The following BCAS3 variants were observed in gnomAD, a reference collection of about 807,000 sequenced individuals.
The protein encoded by BCAS3 is BCAS4/BCAS3 fusion.
A neutral mutation model predicts 116.1 loss-of-function variants in BCAS3; 53 were observed. The observed-to-expected ratio is 0.46, with a 90% CI of 0.37 to 0.57. BCAS3 has a LOEUF of 0.57. BCAS3 is among the 20% of genes least tolerant of loss of function. The pLI is 0.00. For missense variants in BCAS3, 917 were observed against 1,165.4 expected (o/e 0.79, Z 3.10); for synonymous variants, 391 against 408.2 (o/e 0.96, Z 0.51).
intron 22 of BCAS3, among the ~76,000 whole-genome samples, chr17:61,110,653 G>A (rs1229501942): frequency 6.6e-6 from 1 of 152,066 alleles, no homozygotes. Context: ...CAAGGCGGCA[G>A]CGAGGCTGGG....
chr17:61,168,742 T>C (rs1229683508), intron 22 of BCAS3, among the ~76,000 whole-genome samples: 2 of 152,240 alleles, frequency 1.3e-5, no homozygotes, highest in Non-Finnish European at 2.9e-5. Context: ...TCTCAGTTCA[T>C]TAACTTCTTC....
At chr17:60,817,853 T>C (rs1265153689) in intron 7 of BCAS3, among the ~76,000 whole-genome samples, 2 of 144,830 alleles carry the variant, frequency 1.4e-5, no homozygotes, top group Non-Finnish European at 3.0e-5. Flanking sequence ...AAAAGCAAAA[T>C]AATTTTTTTT....
chr17:60,696,570 A>C (rs1163479623), intron 4 of BCAS3: 1 of 152,254 alleles, frequency 6.6e-6, no homozygotes, highest in Non-Finnish European at 1.5e-5. Flanking sequence ...CAGCCACTGC[A>C]GTCCAGCCTG....
chr17:60,786,665 G>A (rs1427690503), intron 6 of BCAS3, among the ~76,000 whole-genome samples: 1 of 151,812 alleles, frequency 6.6e-6, no homozygotes, highest in Non-Finnish European at 1.5e-5. Flanking sequence ...ACTCATGAAC[G>A]TTAATTGACT....
intron 7 of BCAS3, among the ~76,000 whole-genome samples, chr17:60,867,969 T>C (rs2144884504): frequency 6.6e-6 from 1 of 152,218 alleles, no homozygotes; most frequent in Admixed American, 6.5e-5. Flanking sequence ...GCTTTGAAGT[T>C]TATTAGATTC....
intron 5 of BCAS3, among the ~76,000 whole-genome samples, chr17:60,722,545 G>A (rs1020252019): frequency 3.3e-5 from 5 of 151,542 alleles, no homozygotes; most frequent in Non-Finnish European, 7.4e-5. Context: ...GGTAGATCAC[G>A]ACGTCAAGAG....
chr17:61,274,712 C>A (rs2144645166), intron 22 of BCAS3, among the ~76,000 whole-genome samples: 1 of 152,282 alleles, frequency 6.6e-6, no homozygotes, highest in Non-Finnish European at 1.5e-5. Flanking sequence ...TCCACTCTCA[C>A]CACTGCTATT....
intron 6 of BCAS3, among the ~76,000 whole-genome samples, chr17:60,789,218 A>G (rs1394825805): frequency 6.6e-6 from 1 of 152,124 alleles, no homozygotes; most frequent in Non-Finnish European, 1.5e-5. Context: ...TATCAGTTGG[A>G]TTTTTATTTG....
intron 9 of BCAS3, chr17:60,886,623 G>A (rs1443794682): frequency 6.6e-6 from 1 of 150,936 alleles, no homozygotes; most frequent in Non-Finnish European, 1.5e-5. Flanking sequence ...ATGGGTTTTC[G>A]GTGTGGATGT....
At chr17:60,874,903 A>G (rs2055449066) in intron 9 of BCAS3, among the ~76,000 whole-genome samples, 165 bp downstream of exon 9, 1 of 152,056 alleles carries the variant, frequency 6.6e-6, no homozygotes, top group South Asian at 2.1e-4. Flanking sequence ...TTCTTGTATG[A>G]TATATATTTT....
chr17:60,684,142 G>C (rs1160907883), intron 3 of BCAS3, 106 bp downstream of exon 3: 1 of 1,049,202 alleles, frequency 9.5e-7, no homozygotes, highest in Admixed American at 1.9e-5. Context: ...AAAGGTTTTT[G>C]ATGTTTTAGC....
intron 22 of BCAS3, among the ~76,000 whole-genome samples, chr17:61,320,011 T>TCCC (rs940050777): frequency 6.6e-6 from 1 of 151,860 alleles, no homozygotes; most frequent in Non-Finnish European, 1.5e-5. Context: ...TACCTCAGCC[T>TCCC]CCCGAGCAGC....
In BCAS3 at chr17:61,368,569, G is replaced by C; in HGVS notation, c.2593+75G>C. On this transcript the variant is annotated intron_variant, in intron 23 of 23. Transcript: ENST00000407086. This position sits in a 1 kb window ranked among gnomAD's most constrained non-coding sequence, Gnocchi z 6.0. The stretch of plus-strand genomic sequence containing the variant: ...GTTGGTGCAGAGCTTCTCTGGAATC[G>C]TTTGTGGGCATATGTTTGTTTTTGC... 6.9e-7 allele frequency: 1 copy of C among 1,457,590 alleles called. No individual in the cohort carries two copies. The highest frequency in any genetic ancestry group is 9.2e-7 in the Non-Finnish European group (1 of 1,085,742). 90.3% of individuals were successfully genotyped at this position (1,457,590 alleles called of 1,614,324 possible). A position where few individuals can be genotyped will look rare whatever the true frequency, so the allele number is the denominator to read the frequency against.
chr17:60,946,065 G>A (rs929740599), intron 13 of BCAS3, among the ~76,000 whole-genome samples: 9 of 151,716 alleles, frequency 5.9e-5, no homozygotes, highest in Non-Finnish European at 1.0e-4. Context: ...GCTTGCAGTG[G>A]GCGTAGATCG....
chr17:61,211,871 T>C lies in BCAS3; in HGVS notation c.2425+127307T>C, dbSNP rs1284756052. Among the ~76,000 whole-genome samples the C allele has an allele frequency of 6.6e-6, 1 of 152,238 alleles. No individual in the cohort carries two copies. The highest frequency in any genetic ancestry group is 1.9e-4 in the East Asian group (1 of 5,198). On this transcript the variant is annotated intron_variant, in intron 22 of 23. Coordinates refer to ENST00000407086, the MANE Select transcript of BCAS3 (RefSeq NM_017679.5). The surrounding 1 kb of genome is among the most constrained non-coding windows in gnomAD (Gnocchi z 4.4). ...TGCCCACCAGGGCAGGGCCTTAGCA[T>C]AAAGTTAATATCGTCAAAGATCTGA...
chr17:61,304,904 C>A (rs1439862691), intron 22 of BCAS3, among the ~76,000 whole-genome samples: 1 of 152,100 alleles, frequency 6.6e-6, no homozygotes, highest in Admixed American at 6.5e-5. Flanking sequence ...CAGGCGTGCA[C>A]CACCACGCCC....
intron 6 of BCAS3, among the ~76,000 whole-genome samples, chr17:60,772,663 C>G (rs1457252505): frequency 2.0e-5 from 3 of 152,034 alleles, no homozygotes; most frequent in Non-Finnish European, 4.4e-5. Flanking sequence ...GTGGATCACT[C>G]GAGGTCAGGA....
intron 19 of BCAS3, among the ~76,000 whole-genome samples, chr17:61,046,528 A>G (rs1422764680): frequency 6.6e-6 from 1 of 151,870 alleles, no homozygotes; most frequent in African/African-American, 2.4e-5. Context: ...GCTTCAAGTC[A>G]TCTTTAGATT....
intron 14 of BCAS3, chr17:60,980,647 C>T (rs563474049): frequency 2.4e-4 from 36 of 151,884 alleles, no homozygotes; most frequent in African/African-American, 8.7e-4. Context: ...AATACTCCCA[C>T]CTCGGCCTCC....
Sources: gnomAD v4.1 joint callset for allele counts (sites outside exome capture counted in the v4.1 genomes callset) on GRCh38, gnomAD v4.1.1 for gene constraint, Gnocchi (gnomAD v3.1) non-coding constraint, MANE v1.5 for transcripts, NCBI Gene and HGNC (gene_info 2026-07-23, HGNC 2026-07-21) for gene names.